Variants in SNTG2 observed in about 807,000 individuals in gnomAD.
The protein encoded by SNTG2 is gamma-2-syntrophin.
Under a neutral mutation model 70.9 loss-of-function variants are expected in SNTG2, and 74 were observed. The observed-to-expected ratio is 1.04, with a 90% CI of 0.86 to 1.27. The LOEUF (loss-of-function observed/expected upper bound fraction) is 1.27. Among genes scored for constraint, SNTG2 ranks in the 50% most tolerant of loss-of-function variants. The pLI, the probability that SNTG2 is intolerant of heterozygous loss-of-function variation, is 0.00. For missense variants in SNTG2, 717 were observed against 690.7 expected, an observed-to-expected ratio of 1.04 and a Z score of -0.43; for synonymous variants, 278 against 273.8, an observed-to-expected ratio of 1.02 and a Z score of -0.15.
intron 4 of SNTG2, among the ~76,000 whole-genome samples, chr2:1,113,988 T>A (rs1022839007): frequency 1.3e-5 from 2 of 151,568 alleles, no homozygotes; most frequent in African/African-American, 4.8e-5. Flanking sequence ...GAGGGTGGTG[T>A]GTACTAAGTG....
At chr2:1,112,429 T>C (rs1666538837) in intron 4 of SNTG2, among the ~76,000 whole-genome samples, 1 of 151,516 alleles carries the variant, frequency 6.6e-6, no homozygotes. Flanking sequence ...GGTTTAACAC[T>C]TACAGTTCAT....
intron 4 of SNTG2, among the ~76,000 whole-genome samples, chr2:1,099,227 C>T (rs113405563): frequency 2.4e-3 from 361 of 152,088 alleles, no homozygotes; most frequent in African/African-American, 8.4e-3. Context: ...ACATGCGGTC[C>T]GTGTCGGGGG....
intron 9 of SNTG2, among the ~76,000 whole-genome samples, chr2:1,214,879 G>A (rs985699513): frequency 2.0e-5 from 3 of 152,142 alleles, no homozygotes; most frequent in Admixed American, 1.3e-4. Context: ...CTTGTCACAC[G>A]TGTTCTTTAT....
intron 9 of SNTG2, among the ~76,000 whole-genome samples, chr2:1,226,937 A>G (rs909848792): frequency 1.3e-5 from 2 of 152,238 alleles, no homozygotes; most frequent in Non-Finnish European, 2.9e-5. Context: ...ATTTGAGCCC[A>G]TAATCAAGCC....
rs1662208947 is a variant in SNTG2 at position 1,053,700 on chromosome 2, G to A, written c.73-29818G>A. ...CCACCTCATTTGTGTGATGCAGTTA[G>A]GCCTCCATGTGGTGACTCTGGTTCT... On this transcript the variant is annotated intron_variant, in intron 1 of 16. Transcript: ENST00000308624. 2.0e-5 allele frequency among the ~76,000 whole-genome samples: 3 copies of A among 152,048 alleles called. No individual in the cohort carries two copies. The South Asian group carries it at 6.2e-4, about 32-fold the overall frequency.
At chr2:1,028,560 A>G (rs926877302) in intron 1 of SNTG2, among the ~76,000 whole-genome samples, 5 of 152,068 alleles carry the variant, frequency 3.3e-5, no homozygotes, top group Non-Finnish European at 7.4e-5. Context: ...ACAATGTCCA[A>G]ACCTTCTCAG....
chr2:1,060,338 G>A (rs1662729458), intron 1 of SNTG2, among the ~76,000 whole-genome samples: 1 of 152,152 alleles, frequency 6.6e-6, no homozygotes, highest in Admixed American at 6.5e-5. Context: ...TGGATATGTA[G>A]GTATTAATAC....
intron 6 of SNTG2, among the ~76,000 whole-genome samples, chr2:1,149,217 G>GAGAGACAC (rs1553339083): frequency 1.3e-4 from 20 of 148,930 alleles, no homozygotes; most frequent in African/African-American, 2.7e-4. Context: ...GTGAGAGAGA[G>GAGAGACAC]ACACACACAC....
At chr2:1,275,096 C>T (rs1679215006) in intron 14 of SNTG2, among the ~76,000 whole-genome samples, 1 of 152,184 alleles carries the variant, frequency 6.6e-6, no homozygotes, top group African/African-American at 2.4e-5. Context: ...TGAAAAATCT[C>T]ATCCAGTCTC....
chr2:1,210,266 A>C (rs1426818427), intron 9 of SNTG2, among the ~76,000 whole-genome samples: 1 of 152,196 alleles, frequency 6.6e-6, no homozygotes, highest in Non-Finnish European at 1.5e-5. Context: ...AGAGAGACAA[A>C]CCTAGTAAAA....
intron 1 of SNTG2, among the ~76,000 whole-genome samples, chr2:1,014,835 T>C (rs541490352): frequency 6.6e-6 from 1 of 152,224 alleles, no homozygotes; most frequent in South Asian, 2.1e-4. Flanking sequence ...GGAATTTGCC[T>C]CGCTGGCTGC....
intron 1 of SNTG2, among the ~76,000 whole-genome samples, chr2:1,004,955 AT>A (rs1490982032): frequency 6.6e-6 from 1 of 152,224 alleles, no homozygotes; most frequent in Non-Finnish European, 1.5e-5. Context: ...CAGAAGGTGA[AT>A]GGAGAAATAA....
intron 1 of SNTG2, among the ~76,000 whole-genome samples, chr2:1,016,460 C>G (rs565361903): frequency 6.6e-6 from 1 of 152,192 alleles, no homozygotes; most frequent in Admixed American, 6.5e-5. Flanking sequence ...AGGTTGGCCT[C>G]AAACTCCTGA....
intron 11 of SNTG2, chr2:1,242,915 G>A (rs572757705): frequency 6.6e-6 from 1 of 152,276 alleles, no homozygotes; most frequent in East Asian, 1.9e-4. Flanking sequence ...TCAGGGAGAT[G>A]TTTCTAAAAG....
At chr2:1,222,137 C>CTCTGTT in intron 9 of SNTG2, among the ~76,000 whole-genome samples, 4 of 114,264 alleles carry the variant, frequency 3.5e-5, no homozygotes, top group South Asian at 2.7e-4. Context: ...CTCTCTCTGT[C>CTCTGTT]TCTCTCTGTC....
chr2:1,152,831 T>C (rs1669603893), intron 6 of SNTG2, among the ~76,000 whole-genome samples: 1 of 152,166 alleles, frequency 6.6e-6, no homozygotes, highest in Non-Finnish European at 1.5e-5. Context: ...ATCTATAAAA[T>C]GCCTTCACAA....
In SNTG2 at chr2:951,061, C is replaced by G. The variant is rs1292854758; in HGVS notation, c.65C>G (p.Pro22Arg). 1 of 1,271,154 alleles carries G rather than the reference C, an allele frequency of 7.9e-7. No individual in the cohort carries two copies. The highest frequency in any genetic ancestry group is 9.9e-7 in the Non-Finnish European group (1 of 1,011,728). The allele number at this position is 1,271,154 out of a possible 1,614,324, so 78.7% of individuals were successfully genotyped here. ...GGACGCCAGGGCTGCCTGCTGGTAC[C>G]TGCGCGGGTGAGTGCGGCCCCTCAG... ...SRGRQGCLLV[P>R]ARTKTTIALL... The change falls in exon 1 of 17, where the codon CCT becomes CGT. Residue 22 changes from proline (P) to arginine (R), a missense_variant. Pro to Arg is a moderately radical substitution (Grantham distance 103). Coordinates refer to ENST00000308624, the MANE Select transcript of SNTG2 (RefSeq NM_018968.4).
At chr2:961,991 C>T in intron 1 of SNTG2, among the ~76,000 whole-genome samples, 1 of 152,250 alleles carries the variant, frequency 6.6e-6, no homozygotes, top group Non-Finnish European at 1.5e-5. Flanking sequence ...TCACATTTCA[C>T]AATTTCAGTT....
intron 1 of SNTG2, among the ~76,000 whole-genome samples, chr2:959,354 G>A (rs1349659080): frequency 1.3e-5 from 2 of 152,166 alleles, no homozygotes; most frequent in Admixed American, 1.3e-4. Flanking sequence ...AATGCTATGA[G>A]CTTTATGTAT....
Sources: allele counts gnomAD v4.1 joint callset (sites outside exome capture counted in the v4.1 genomes callset), GRCh38; gene constraint gnomAD v4.1.1; transcripts MANE v1.5; gene names NCBI Gene and HGNC (gene_info 2026-07-23, HGNC 2026-07-21).